Variants in PKD1L3 observed in about 807,000 individuals in gnomAD.
The protein encoded by PKD1L3 is polycystin 1 like 3, transient receptor potential channel interacting, also known as polycystin-1-like protein 3.
Under a neutral mutation model 184.1 loss-of-function variants are expected in PKD1L3, and 239 were observed. That is an observed-to-expected ratio of 1.30 (90% CI 1.17 to 1.45). The LOEUF is 1.45. Ranked by LOEUF, PKD1L3 falls within the 40% of genes most tolerant of loss-of-function variation. The pLI is 0.00. For missense variants in PKD1L3, 2,660 were observed against 2,067.2 expected (o/e 1.29, Z -5.56); for synonymous variants, 996 against 778.8 (o/e 1.28, Z -4.64).
In PKD1L3 at chr16:71,977,479, G is replaced by A. The variant is rs374167540; in HGVS notation, c.1528-12C>T. On this transcript the variant is annotated splice_polypyrimidine_tract_variant and intron_variant, in intron 10 of 29. Transcript: ENST00000620267. ...CTCCAGAGCATGATCTAGAATAAGA[G>A]ACAGTTAATCATTATAATGGTCCAT... is the stretch of plus-strand genomic sequence containing the variant. 2.6e-6 allele frequency: 4 copies of A among 1,519,170 alleles called. No individual in the cohort carries two copies. In the African/African-American group the frequency reaches 4.2e-5, roughly 16 times the overall value. The allele number at this position is 1,519,170 out of a possible 1,614,324, so 94.1% of individuals were successfully genotyped here.
chr16:71,943,920 T>G, intron 23 of PKD1L3, 110 bp downstream of exon 23: 1 of 1,310,838 alleles, frequency 7.6e-7, no homozygotes, highest in South Asian at 1.6e-5. Context: ...GGTGAAGATT[T>G]TAAAAGACAG....
chr16:71,968,927 T>C (rs943548261), intron 13 of PKD1L3, among the ~76,000 whole-genome samples: 6 of 146,948 alleles, frequency 4.1e-5, no homozygotes, highest in African/African-American at 1.5e-4. Flanking sequence ...GATTTACATA[T>C]AACTTTTTTT....
At chr16:71,941,593 T>C (rs2038362414) in intron 24 of PKD1L3, among the ~76,000 whole-genome samples, 2 of 147,234 alleles carry the variant, frequency 1.4e-5, no homozygotes, top group Admixed American at 6.7e-5. Context: ...TTTTTTTTTT[T>C]TTTTTTTTTG....
chr16:71,931,960 A>G (rs1222640327), intron 28 of PKD1L3, among the ~76,000 whole-genome samples: 1 of 152,124 alleles, frequency 6.6e-6, no homozygotes, highest in Non-Finnish European at 1.5e-5. Context: ...AGCTCATTGC[A>G]TCCTCACTCC....
At chr16:71,934,269 G>T in intron 26 of PKD1L3, 144 bp from the exon 27 acceptor site, 1 of 724,020 alleles carries the variant, frequency 1.4e-6, no homozygotes, top group East Asian at 2.7e-5. Context: ...TTCTATTGTG[G>T]CCTCCTGTGA....
At position 71,929,637 on chromosome 16, in the gene PKD1L3, T is replaced by G; in HGVS notation, c.5100A>C (p.Ser1700=). The change falls in exon 30 of 30, where the codon TCA becomes TCC. Residue 1700 remains serine, a synonymous_variant. Transcript: ENST00000620267. ...GGGGCCAACTGATTCCTAACAAATT[T>G]GAGAGCTTCTGTAGCAGTGTATCTA... ...ALIDTLLQKL[S]NLLGISWPQK... 1.3e-6 allele frequency: 2 copies of G among 1,551,826 alleles called. No individual in the cohort carries two copies. The highest frequency in any genetic ancestry group is 2.4e-5 in the East Asian group (1 of 40,920).
At chr16:71,975,879 T>C (rs2039898998) in intron 11 of PKD1L3, among the ~76,000 whole-genome samples, 1 of 152,160 alleles carries the variant, frequency 6.6e-6, no homozygotes. Context: ...TGTTATTTTC[T>C]GGTTGTGATA....
intron 2 of PKD1L3, among the ~76,000 whole-genome samples, chr16:71,996,435 A>G (rs2040788069): frequency 6.6e-6 from 1 of 151,444 alleles, no homozygotes; most frequent in African/African-American, 2.4e-5. Context: ...TAATTTTTGT[A>G]TTTTTAGTAG....
In PKD1L3 at chr16:71,942,854, A is replaced by G. The variant is rs1429067282; in HGVS notation, c.4030T>C (p.Tyr1344His). 1.3e-6 allele frequency: 2 copies of G among 1,551,498 alleles called. No homozygotes were observed. The highest frequency in any genetic ancestry group is 1.7e-6 in the Non-Finnish European group (2 of 1,146,970). The change falls in exon 24 of 30, where the codon TAT (tyrosine) becomes CAT (histidine). Residue 1344 changes from tyrosine (Y) to histidine (H), a missense_variant. Tyr to His is a moderately conservative substitution (Grantham distance 83). Coordinates refer to ENST00000620267, the MANE Select transcript of PKD1L3 (RefSeq NM_181536.2). ...WANHILLPSL[Y>H]GDYRGKNAVL... The stretch of plus-strand genomic sequence containing the variant: ...GCATTCTTACCTCTGTAATCCCCAT[A>G]CAGGCTAGGAAGAAGGATATGATTG...
rs2040906781 is a variant in PKD1L3 at position 71,999,769 on chromosome 16, G to A, written c.210C>T (p.Ile70=). 6.4e-7 allele frequency: 1 copy of A among 1,551,742 alleles called. No individual in the cohort carries two copies. Among genetic ancestry groups the A allele is most frequent in the Non-Finnish European group, 8.7e-7 (1 of 1,147,000 alleles). The change falls in exon 1 of 30, where the codon ATC becomes ATT. Residue 70 remains isoleucine, a synonymous_variant. Coordinates refer to ENST00000620267, the MANE Select transcript of PKD1L3 (RefSeq NM_181536.2). ...HIWNKEVQDL[I]RDYLEEGKKW... Reference sequence around the variant, plus strand: ...TCTTTCCTTCTTCCAGATAGTCCCGGATGAGATCTTGAACTTCCTTGTTCC... The same window carrying A: ...TCTTTCCTTCTTCCAGATAGTCCCGAATGAGATCTTGAACTTCCTTGTTCC...
rs979615009 is a variant in PKD1L3, at chr16:71,944,236, T to C, written c.3719-66A>G. The C allele has an allele frequency of 7.1e-6, 10 of 1,411,124 alleles. No individual in the cohort carries two copies. The African/African-American group carries it at 1.0e-4, about 14-fold the overall frequency. 87.4% of individuals were successfully genotyped at this position (1,411,124 alleles called of 1,614,324 possible). A position where few individuals can be genotyped will look rare whatever the true frequency, so the allele number is the denominator to read the frequency against. On this transcript the variant is annotated intron_variant, in intron 22 of 29. Coordinates refer to ENST00000620267, the MANE Select transcript of PKD1L3 (RefSeq NM_181536.2). ...TCATTAAGCAGTCACTCACCATTCA[T>C]TGAGCATCTACTGTGAGCACCTCCT...
At chr16:71,963,402 G>C (rs1233836099) in intron 15 of PKD1L3, 51 bp from the exon 16 acceptor site, 2 of 1,478,284 alleles carry the variant, frequency 1.4e-6, no homozygotes, top group East Asian at 5.0e-5. Context: ...TGAATCAGTT[G>C]TCTGTAGTAA....
chr16:71,979,995 C>T lies in PKD1L3; in HGVS notation c.1271+12G>A. On this transcript the variant is annotated intron_variant, in intron 8 of 29. Coordinates refer to ENST00000620267, the MANE Select transcript of PKD1L3 (RefSeq NM_181536.2). ...CACAGTGAAACTCTCCCCGTTCCTT[C>T]TTCCCATTAACCTGCTCAGCAGCAG... 1 of 1,551,476 alleles carries T rather than the reference C, an allele frequency of 6.4e-7. No homozygotes were observed. The highest frequency in any genetic ancestry group is 8.7e-7 in the Non-Finnish European group (1 of 1,146,978).
chr16:71,941,993 A>G (rs1335614504), intron 24 of PKD1L3, among the ~76,000 whole-genome samples: 1 of 152,014 alleles, frequency 6.6e-6, no homozygotes, highest in Non-Finnish European at 1.5e-5. Context: ...CACTAACATG[A>G]AAAGCTAGAA....
Position 71,984,050 on chromosome 16 carries a change from A to G in PKD1L3, c.952T>C (p.Ser318Pro), listed in dbSNP as rs1020753368. The G allele has an allele frequency of 6.4e-7, 1 of 1,552,182 alleles. No individual in the cohort carries two copies. Residue 318 changes from serine (S) to proline (P), a missense_variant, in exon 6 of 30, where the codon TCT (serine) becomes CCT (proline). Transcript: ENST00000620267. ...CCTCCACTTACCTGAGCTGGCTTAGAAAATCTTGGGGTTAAGGCTGTTAGT... is the reference window on the plus strand; with the variant it reads ...CCTCCACTTACCTGAGCTGGCTTAGGAAATCTTGGGGTTAAGGCTGTTAGT... ...QKLTALTPRF[S>P]KPAQVNLINS...
intron 9 of PKD1L3, among the ~76,000 whole-genome samples, chr16:71,978,902 C>T (rs537473916): frequency 3.2e-4 from 48 of 152,076 alleles, no homozygotes; most frequent in African/African-American, 1.1e-3. Context: ...AATAACATTC[C>T]CCATTTATAA....
Position 71,934,063 on chromosome 16 carries a change from G to T in PKD1L3, c.4676C>A (p.Pro1559Gln), listed in dbSNP as rs561079933. Residue 1559 changes from proline (P) to glutamine (Q), a missense_variant, in exon 27 of 30, where the codon CCG becomes CAG. Physicochemically the swap from Pro to Gln is moderately conservative, Grantham distance 76. Coordinates refer to ENST00000620267, the MANE Select transcript of PKD1L3 (RefSeq NM_181536.2). ...TAACTGAACAGTTGCCAGGAGAACC[G>T]GGAAGCCCACAAGGTGAGTCGCAGC... Reference protein sequence around the residue: ...NSAATHLVGFPVLLATVQLWN... With the variant: ...NSAATHLVGFQVLLATVQLWN... 1.4e-4 allele frequency: 213 copies of T among 1,551,918 alleles called. 3 individuals carry two copies. In the South Asian group the frequency reaches 2.4e-3, roughly 17 times the overall value.
chr16:71,992,281 T>C lies in PKD1L3; in HGVS notation c.535+935A>G, dbSNP rs367634950. ...GTCTACATTTTTCCCAATGAGGAGA[T>C]TTTAAAAAGTATTCCTGGGGCAAGC... is the stretch of plus-strand genomic sequence containing the variant. On this transcript the variant is annotated intron_variant, in intron 3 of 29. Transcript: ENST00000620267. 2.6e-3 allele frequency among the ~76,000 whole-genome samples: 398 copies of C among 152,298 alleles called. 1 individual carries two copies. The highest frequency in any genetic ancestry group is 8.7e-3 in the African/African-American group (360 of 41,560).
chr16:71,974,013 A>G (rs2039823533), intron 11 of PKD1L3, among the ~76,000 whole-genome samples: 1 of 31,360 alleles, frequency 3.2e-5, no homozygotes, highest in Admixed American at 2.4e-4. Flanking sequence ...AAAAAAAAAA[A>G]AAATATATAT....
Sources: gnomAD v4.1 joint callset for allele counts (sites outside exome capture counted in the v4.1 genomes callset) on GRCh38, gnomAD v4.1.1 for gene constraint, MANE v1.5 for transcripts, NCBI Gene and HGNC (gene_info 2026-07-23, HGNC 2026-07-21) for gene names.